TMEM30A: variants seen among roughly 807,000 people sequenced by gnomAD.
TMEM30A encodes cell cycle control protein 50A.
TMEM30A carries 24 observed loss-of-function variants against 38.2 expected under a neutral mutation model. The ratio of observed to expected loss-of-function variants is 0.63; its 90% confidence interval spans 0.46 to 0.88. The LOEUF is 0.88. Ranked by LOEUF, TMEM30A falls within the 40% of genes least tolerant of loss-of-function variation. The pLI, the probability that TMEM30A is intolerant of heterozygous loss-of-function variation, is 0.00. For synonymous variants in TMEM30A, 145 were observed against 161.6 expected, an observed-to-expected ratio of 0.90 and a Z score of 0.78; for missense variants, 370 against 458.6, an observed-to-expected ratio of 0.81 and a Z score of 1.77.
chr6:75,256,740 A>C, intron 6 of TMEM30A: 1 of 484,158 alleles, frequency 2.1e-6, no homozygotes, highest in Non-Finnish European at 4.1e-6. Context: ...TAGTTATGAG[A>C]CTATGAAAAG....
intron 1 of TMEM30A, among the ~76,000 whole-genome samples, chr6:75,283,493 C>G (rs1001750622): frequency 1.3e-5 from 2 of 152,014 alleles, no homozygotes; most frequent in Admixed American, 6.6e-5. Context: ...TACTGTCAAC[C>G]GTCTTCGCCC....
chr6:75,284,667 G>A lies in TMEM30A; in HGVS notation c.-29C>T. 1.9e-6 allele frequency: 3 copies of A among 1,607,436 alleles called. No individual in the cohort carries two copies. The highest frequency in any genetic ancestry group is 2.2e-5 in the East Asian group (1 of 44,832). ...TCCCTGGGGCGCCGCTCCGCGATTTGCAGGTGGACCACCCAGGGGGCCCGC... is the reference window on the plus strand; with the variant it reads ...TCCCTGGGGCGCCGCTCCGCGATTTACAGGTGGACCACCCAGGGGGCCCGC... On this transcript the variant is annotated 5_prime_UTR_variant, in exon 1 of 7. Transcript: ENST00000230461.
chr6:75,255,258 C>A lies in TMEM30A; in HGVS notation c.*844G>T, dbSNP rs1412903132. On this transcript the variant is annotated 3_prime_UTR_variant, in exon 7 of 7. Coordinates refer to ENST00000230461, the MANE Select transcript of TMEM30A (RefSeq NM_018247.4). ...AAGAATGAAAACAGTCTCCATTAAG[C>A]ACTTACATGTGGTTTACAGTTGAGG... 2 of 152,504 alleles carry A rather than the reference C, an allele frequency of 1.3e-5. No individual in the cohort carries two copies. The highest frequency in any genetic ancestry group is 4.8e-5 in the African/African-American group (2 of 41,424). 9.4% of individuals were successfully genotyped at this position (152,504 alleles called of 1,614,324 possible).
chr6:75,277,559 A>G (rs1367888176), intron 1 of TMEM30A, among the ~76,000 whole-genome samples: 1 of 152,110 alleles, frequency 6.6e-6, no homozygotes, highest in African/African-American at 2.4e-5. Flanking sequence ...AGCTATGAAC[A>G]TTGCCACTGC....
rs777194314 is a variant in TMEM30A, at chr6:75,267,757, G to T, written c.238-9C>A. On this transcript the variant is annotated splice_polypyrimidine_tract_variant and intron_variant, in intron 1 of 6. Transcript: ENST00000230461. ...GTTCCGGTATAATCAATCTGCAAGA[G>T]AAAAATATAACTAAGCACTTCCTTA... 1.9e-6 allele frequency: 3 copies of T among 1,572,290 alleles called. No individual in the cohort carries two copies. The highest frequency in any genetic ancestry group is 2.6e-6 in the Non-Finnish European group (3 of 1,155,734).
chr6:75,257,221 C>T (rs1399329047), intron 6 of TMEM30A, among the ~76,000 whole-genome samples: 1 of 152,150 alleles, frequency 6.6e-6, no homozygotes, highest in Non-Finnish European at 1.5e-5. Context: ...ATTACCCATG[C>T]TTGTCTCTCT....
intron 1 of TMEM30A, among the ~76,000 whole-genome samples, chr6:75,278,517 A>T (rs1473602145): frequency 6.6e-6 from 1 of 152,180 alleles, no homozygotes; most frequent in Non-Finnish European, 1.5e-5. Flanking sequence ...TACCGTGAAA[A>T]GGCAGTTAGA....
At chr6:75,259,112 A>C in intron 5 of TMEM30A, 126 bp from the exon 6 acceptor site, 1 of 889,054 alleles carries the variant, frequency 1.1e-6, no homozygotes, top group South Asian at 1.8e-5. Flanking sequence ...TGCAATTTTA[A>C]AATATTATAG....
intron 1 of TMEM30A, among the ~76,000 whole-genome samples, chr6:75,278,109 T>C (rs1182561609): frequency 6.6e-6 from 1 of 152,112 alleles, no homozygotes; most frequent in Non-Finnish European, 1.5e-5. Flanking sequence ...GAAAAAACAT[T>C]AATGAGTTTC....
chr6:75,267,583 A>T, intron 2 of TMEM30A, 58 bp downstream of exon 2: 1 of 1,207,274 alleles, frequency 8.3e-7, no homozygotes, highest in Non-Finnish European at 1.2e-6. Context: ...GACATTTAGT[A>T]CAGTATCAGT....
At chr6:75,263,674 A>T (rs1772012441) in intron 3 of TMEM30A, among the ~76,000 whole-genome samples, 1 of 152,206 alleles carries the variant, frequency 6.6e-6, no homozygotes, top group African/African-American at 2.4e-5. Context: ...ATGCATGGTT[A>T]GGGAGCAGCA....
Position 75,253,416 on chromosome 6 carries a change from G to A in TMEM30A, c.*2686C>T, listed in dbSNP as rs537200358. 2 of 152,430 alleles carry A rather than the reference G, an allele frequency of 1.3e-5. No individual in the cohort carries two copies. The highest frequency in any genetic ancestry group is 4.2e-4 in the South Asian group (2 of 4,816). The allele number at this position is 152,430 out of a possible 1,614,324, so 9.4% of individuals were successfully genotyped here. A position where few individuals can be genotyped will look rare whatever the true frequency, so the allele number is the denominator to read the frequency against. On this transcript the variant is annotated 3_prime_UTR_variant, in exon 7 of 7. Coordinates refer to ENST00000230461, the MANE Select transcript of TMEM30A (RefSeq NM_018247.4). ...TGATAATCTGACCACTTCCTGGTAA[G>A]AACAAATGGTTAATGTTGTCACAGT...
chr6:75,265,342 G>A lies in TMEM30A; in HGVS notation c.346-4C>T, dbSNP rs574435369. On this transcript the variant is annotated splice_region_variant and splice_polypyrimidine_tract_variant and intron_variant, in intron 2 of 6. Coordinates refer to ENST00000230461, the MANE Select transcript of TMEM30A (RefSeq NM_018247.4). Reference sequence around the variant, plus strand: ...CATAATACATAAACACGTTGCCCTAGAGAAACAGAGAGGGAAAAAATTTTC... The same window carrying A: ...CATAATACATAAACACGTTGCCCTAAAGAAACAGAGAGGGAAAAAATTTTC... 5.2e-5 allele frequency: 80 copies of A among 1,547,624 alleles called. No individual in the cohort carries two copies. The South Asian group carries it at 8.9e-4, about 17-fold the overall frequency.
chr6:75,255,103 T>C lies in TMEM30A; in HGVS notation c.*999A>G, dbSNP rs1771847363. The C allele has an allele frequency of 6.6e-6, 1 of 152,444 alleles. No individual in the cohort carries two copies. The highest frequency in any genetic ancestry group is 1.5e-5 in the Non-Finnish European group (1 of 67,968). 9.4% of individuals were successfully genotyped at this position (152,444 alleles called of 1,614,324 possible). A position where few individuals can be genotyped will look rare whatever the true frequency, so the allele number is the denominator to read the frequency against. On this transcript the variant is annotated 3_prime_UTR_variant, in exon 7 of 7. Coordinates refer to ENST00000230461, the MANE Select transcript of TMEM30A (RefSeq NM_018247.4). ...ATATGCAAAAGTGGAATGAAATACA[T>C]AGGAAATTAAGGTTACTGCTTTCAA...
At chr6:75,281,227 A>C (rs1193440795) in intron 1 of TMEM30A, among the ~76,000 whole-genome samples, 1 of 152,146 alleles carries the variant, frequency 6.6e-6, no homozygotes, top group Non-Finnish European at 1.5e-5. Flanking sequence ...CTTTTACAAA[A>C]GTTAAGAATA....
chr6:75,267,605 C>T (rs1772091045), intron 2 of TMEM30A, 36 bp downstream of exon 2: 1 of 1,474,722 alleles, frequency 6.8e-7, no homozygotes, highest in Non-Finnish European at 9.4e-7. Context: ...TTTTTTAAAG[C>T]ATGGCTTTTC....
Position 75,253,184 on chromosome 6 carries a change from A to G in TMEM30A, c.*2918T>C, listed in dbSNP as rs1385736835. 1 of 152,146 alleles carries G rather than the reference A, an allele frequency of 6.6e-6. No homozygotes were observed. The highest frequency in any genetic ancestry group is 1.5e-5 in the Non-Finnish European group (1 of 68,010). 9.4% of individuals were successfully genotyped at this position (152,146 alleles called of 1,614,324 possible). ...TTAACCAACAAAAAATGTGTCATACAATAATTCTAAGGCAATGGTTCTATG... is the reference window on the plus strand; with the variant it reads ...TTAACCAACAAAAAATGTGTCATACGATAATTCTAAGGCAATGGTTCTATG... On this transcript the variant is annotated 3_prime_UTR_variant, in exon 7 of 7. Transcript: ENST00000230461.
At chr6:75,282,076 T>C (rs1239341012) in intron 1 of TMEM30A, among the ~76,000 whole-genome samples, 1 of 152,230 alleles carries the variant, frequency 6.6e-6, no homozygotes, top group Non-Finnish European at 1.5e-5. Context: ...CACATCCTGC[T>C]TTTTTAAAAT....
rs1771919254 is a variant in TMEM30A, at chr6:75,259,065, G to A, written c.686-79C>T. On this transcript the variant is annotated intron_variant, in intron 5 of 6. Coordinates refer to ENST00000230461, the MANE Select transcript of TMEM30A (RefSeq NM_018247.4). ...AAGTGGCGGAGAAACGAATAAATTT[G>A]GATAATAAATAGGGGTTTATTCAAA... 5 of 1,254,768 alleles carry A rather than the reference G, an allele frequency of 4.0e-6. No individual in the cohort carries two copies. The South Asian group carries it at 6.9e-5, about 17-fold the overall frequency. 77.7% of individuals were successfully genotyped at this position (1,254,768 alleles called of 1,614,324 possible).
Sources: gnomAD v4.1 joint callset for allele counts (sites outside exome capture counted in the v4.1 genomes callset) on GRCh38, gnomAD v4.1.1 for gene constraint, MANE v1.5 for transcripts, NCBI Gene and HGNC (gene_info 2026-07-23, HGNC 2026-07-21) for gene names.